The following NFASC variants were observed in gnomAD, a reference collection of about 807,000 sequenced individuals.
NFASC encodes the protein neurofascin, also known as neurofascin homolog.
NFASC carries 43 observed loss-of-function variants against 147.5 expected under a neutral mutation model. The observed-to-expected ratio is 0.29, with a 90% confidence interval of 0.23 to 0.38. NFASC has a LOEUF of 0.38. NFASC is among the 10% of genes least tolerant of loss of function. The pLI, the probability that NFASC is intolerant of heterozygous loss-of-function variation, is 1.00. For missense variants in NFASC, 1,320 were observed against 1,689.0 expected, an observed-to-expected ratio of 0.78 and a Z score of 3.83; for synonymous variants, 622 against 665.5, an observed-to-expected ratio of 0.93 and a Z score of 1.01.
intron 1 of NFASC, among the ~76,000 whole-genome samples, chr1:204,831,505 C>G (rs1034444838): frequency 6.6e-6 from 1 of 151,888 alleles, no homozygotes; most frequent in Non-Finnish European, 1.5e-5. Context: ...AGGCTCTGAT[C>G]AGTATATTGC....
At chr1:204,962,814 C>G (rs566516949) in intron 8 of NFASC, among the ~76,000 whole-genome samples, 2 of 152,252 alleles carry the variant, frequency 1.3e-5, no homozygotes, top group South Asian at 4.1e-4. Flanking sequence ...AATCAAATGC[C>G]CACCAGTCCA....
At chr1:204,991,670 C>T (rs1266723132) in intron 24 of NFASC, among the ~76,000 whole-genome samples, 1 of 152,262 alleles carries the variant, frequency 6.6e-6, no homozygotes, top group Non-Finnish European at 1.5e-5. Context: ...CAGCTCAGAG[C>T]AGTGTCCCCA....
intron 2 of NFASC, among the ~76,000 whole-genome samples, chr1:204,930,390 G>A (rs2092261432): frequency 1.3e-5 from 2 of 152,166 alleles, no homozygotes; most frequent in African/African-American, 4.8e-5. Context: ...GGCTTATACT[G>A]TACAACAGAT....
intron 1 of NFASC, among the ~76,000 whole-genome samples, chr1:204,894,136 A>C (rs2082943064): frequency 6.6e-6 from 1 of 152,254 alleles, no homozygotes; most frequent in Admixed American, 6.5e-5. Flanking sequence ...ACTTCTTGGT[A>C]GGAATAAGAT....
rs1442423447 is a variant in NFASC at position 205,021,302 on chromosome 1, T to C, written c.*4763T>C. On this transcript the variant is annotated 3_prime_UTR_variant, in exon 30 of 30. Coordinates refer to ENST00000339876, the MANE Select transcript of NFASC (RefSeq NM_001005388.3). Reference sequence around the variant, plus strand: ...TTCCTGAGACACATTCAGAGAAGGATCAGAGAGAAAGGAGAACCATCCAGG... The same window carrying C: ...TTCCTGAGACACATTCAGAGAAGGACCAGAGAGAAAGGAGAACCATCCAGG... 1.3e-5 allele frequency: 2 copies of C among 152,532 alleles called. No homozygotes were observed. Among genetic ancestry groups the C allele is most frequent in the East Asian group, 3.9e-4 (2 of 5,178 alleles). The allele number at this position is 152,532 out of a possible 1,614,324, so 9.4% of individuals were successfully genotyped here.
At chr1:204,950,116 C>T (rs1016498094) in intron 3 of NFASC, among the ~76,000 whole-genome samples, 4 of 152,352 alleles carry the variant, frequency 2.6e-5, no homozygotes, top group East Asian at 3.9e-4. Context: ...GTTTCCAATC[C>T]ACTCCCTTCC....
Position 204,982,266 on chromosome 1 carries a change from A to G in NFASC, c.2470+246A>G, listed in dbSNP as rs144943318. Among the ~76,000 whole-genome samples the G allele has an allele frequency of 4.3e-3, 660 of 152,348 alleles. 5 individuals are homozygous for G. Among genetic ancestry groups the G allele is most frequent in the African/African-American group, 0.015 (638 of 41,582 alleles). The stretch of plus-strand genomic sequence containing the variant: ...CCAGAATTCTCATTTCACAGATGTG[A>G]AAACTGAGGCCCAAAAAGGGAAAAC... On this transcript the variant is annotated intron_variant, in intron 21 of 29. Coordinates refer to ENST00000339876, the MANE Select transcript of NFASC (RefSeq NM_001005388.3).
chr1:204,988,603 G>A lies in NFASC; in HGVS notation c.2594-30G>A, dbSNP rs190451710. 899 of 1,607,418 alleles carry A rather than the reference G, an allele frequency of 5.6e-4. 4 individuals are homozygous for A. The highest frequency in any genetic ancestry group is 2.6e-3 in the Middle Eastern group (16 of 6,058). On this transcript the variant is annotated intron_variant, in intron 22 of 29. Coordinates refer to ENST00000339876, the MANE Select transcript of NFASC (RefSeq NM_001005388.3). The stretch of plus-strand genomic sequence containing the variant: ...TAACCCATCAATAAATGTTGCTAAA[G>A]TTTAATTCCACTTACCTCTCTCTCC...
At chr1:204,887,056 T>C (rs1435674513) in intron 1 of NFASC, among the ~76,000 whole-genome samples, 1 of 152,188 alleles carries the variant, frequency 6.6e-6, no homozygotes, top group Non-Finnish European at 1.5e-5. Context: ...ATTAAGTACA[T>C]GTATGTTGCT....
chr1:204,993,144 C>T (rs2095775297), intron 24 of NFASC, among the ~76,000 whole-genome samples: 1 of 152,242 alleles, frequency 6.6e-6, no homozygotes, highest in Admixed American at 6.5e-5. Flanking sequence ...CCACTGCTGT[C>T]TTCCCTCTCG....
At chr1:204,908,055 C>T (rs2086391321) in intron 1 of NFASC, among the ~76,000 whole-genome samples, 1 of 152,168 alleles carries the variant, frequency 6.6e-6, no homozygotes, top group Non-Finnish European at 1.5e-5. Context: ...AACCATGGCT[C>T]ACTGCAGCCT....
rs553815765 is a variant in NFASC at position 204,873,465 on chromosome 1, C to T, written c.-200+44683C>T. Among the ~76,000 whole-genome samples the T allele has an allele frequency of 2.3e-3, 350 of 152,334 alleles. 1 individual carries two copies. The highest frequency in any genetic ancestry group is 4.2e-3 in the Non-Finnish European group (283 of 68,030). On this transcript the variant is annotated intron_variant, in intron 1 of 29. Transcript: ENST00000339876. ...AAGCCCGAGAGAGAGAAACCACTCCCGTGGTTTAGTGGACATTTCATTTCT... is the reference window on the plus strand; with the variant it reads ...AAGCCCGAGAGAGAGAAACCACTCCTGTGGTTTAGTGGACATTTCATTTCT...
intron 1 of NFASC, among the ~76,000 whole-genome samples, chr1:204,860,122 C>A (rs1480386004): frequency 6.6e-6 from 1 of 152,172 alleles, no homozygotes; most frequent in East Asian, 1.9e-4. Flanking sequence ...TCCTTCCCAG[C>A]CTACAGGCTC....
chr1:204,977,666 G>A lies in NFASC; in HGVS notation c.1832-15G>A, dbSNP rs772627407. 1.2e-5 allele frequency: 19 copies of A among 1,607,078 alleles called. No individual in the cohort carries two copies. The highest frequency in any genetic ancestry group is 5.0e-5 in the Admixed American group (3 of 59,788). ...GATAACCTGCTAACCTGGATAACCC[G>A]TCTTACCTTTGCAGCTGATCAGGCC... is the stretch of plus-strand genomic sequence containing the variant. On this transcript the variant is annotated splice_polypyrimidine_tract_variant and intron_variant, in intron 16 of 29. Transcript: ENST00000339876.
Position 204,992,426 on chromosome 1 carries a change from G to A in NFASC, c.2782+1120G>A, listed in dbSNP as rs575599725. Among the ~76,000 whole-genome samples the A allele has an allele frequency of 2.0e-5, 3 of 152,212 alleles. No homozygotes were observed. The South Asian group carries it at 6.2e-4, about 32-fold the overall frequency. ...TGATTCTATTTCTGTTGCATACCCT[G>A]CTTCCTTCAGTTTGTGTATGTTTTG... is the stretch of plus-strand genomic sequence containing the variant. On this transcript the variant is annotated intron_variant, in intron 24 of 29. Transcript: ENST00000339876.
chr1:204,976,598 A>T lies in NFASC; in HGVS notation c.1707-73A>T, dbSNP rs893772088. ...CCCTCCTGACTCGAGAACCCCCTCT[A>T]GGGAGAAAGCAATGGGCAGGACTCA... On this transcript the variant is annotated intron_variant, in intron 15 of 29. Transcript: ENST00000339876. 7 of 1,161,028 alleles carry T rather than the reference A, an allele frequency of 6.0e-6. No individual in the cohort carries two copies. In the South Asian group the frequency reaches 7.0e-5, roughly 12 times the overall value. 71.9% of individuals were successfully genotyped at this position (1,161,028 alleles called of 1,614,324 possible). A position where few individuals can be genotyped will look rare whatever the true frequency, so the allele number is the denominator to read the frequency against.
In NFASC at chr1:204,975,249, A is replaced by AGT; in HGVS notation, c.1559-20_1559-19dup. Reference sequence around the variant, plus strand: ...CTGGGCAGAGAACAGGCCAGTGGCGAGTGCTCTGGGCTTCTCCACAGACCC... The same window carrying AGT: ...CTGGGCAGAGAACAGGCCAGTGGCGAGTGTGCTCTGGGCTTCTCCACAGACCC... On this transcript the variant is annotated intron_variant, in intron 14 of 29. Transcript: ENST00000339876. The surrounding 1 kb of genome is among the most constrained non-coding windows in gnomAD (Gnocchi z 4.0). 1 of 1,594,078 alleles carries AGT rather than the reference A, an allele frequency of 6.3e-7. No homozygotes were observed. The highest frequency in any genetic ancestry group is 1.1e-5 in the South Asian group (1 of 89,760).
At chr1:204,847,813 C>T (rs1229138600) in intron 1 of NFASC, among the ~76,000 whole-genome samples, 4 of 152,082 alleles carry the variant, frequency 2.6e-5, no homozygotes, top group Admixed American at 6.5e-5. Flanking sequence ...TTCCCATGAG[C>T]GGTGGGCATG....
At chr1:204,974,610 G>A (rs2095355180) in intron 13 of NFASC, 47 bp from the exon 14 acceptor site, 1 of 1,609,430 alleles carries the variant, frequency 6.2e-7, no homozygotes, top group Non-Finnish European at 8.5e-7. Flanking sequence ...CTGCCCTTGG[G>A]CTGGTCCTGT....
Sources: allele counts gnomAD v4.1 joint callset (sites outside exome capture counted in the v4.1 genomes callset), GRCh38; gene constraint gnomAD v4.1.1; non-coding constraint Gnocchi (gnomAD v3.1); transcripts MANE v1.5; gene names NCBI Gene and HGNC (gene_info 2026-07-23, HGNC 2026-07-21).